The following PPM1E variants were observed in gnomAD, a reference collection of about 807,000 sequenced individuals.
PPM1E encodes the protein protein phosphatase 1E.
PPM1E carries 20 observed loss-of-function variants against 65.9 expected under a neutral mutation model. The observed-to-expected ratio is 0.30, with a 90% CI of 0.21 to 0.44. The LOEUF is 0.44. Among genes scored for constraint, PPM1E ranks in the 20% least tolerant of loss-of-function variants. PPM1E has a pLI of 1.00. For missense variants in PPM1E, 713 were observed against 953.1 expected (o/e 0.75, Z 3.32); for synonymous variants, 352 against 374.9 (o/e 0.94, Z 0.70).
intron 1 of PPM1E, among the ~76,000 whole-genome samples, chr17:58,788,332 C>G (rs1241658164): frequency 1.3e-5 from 2 of 152,130 alleles, no homozygotes; most frequent in Non-Finnish European, 2.9e-5. Context: ...TCTGTATAAA[C>G]TCTTTCTTTC....
At chr17:58,838,166 G>A (rs2050681937) in intron 1 of PPM1E, among the ~76,000 whole-genome samples, 1 of 152,154 alleles carries the variant, frequency 6.6e-6, no homozygotes, top group Non-Finnish European at 1.5e-5. Flanking sequence ...AACTCAAATA[G>A]CATGGAGGAA....
At chr17:58,978,693 AAAAAAT>A (rs986241939) in intron 6 of PPM1E, among the ~76,000 whole-genome samples, 7 of 152,350 alleles carry the variant, frequency 4.6e-5, no homozygotes, top group East Asian at 3.9e-4. Flanking sequence ...CCTGGGCGAC[AAAAAAT>A]AAAAATAAAA....
chr17:58,963,564 C>T (rs920479493), intron 2 of PPM1E, among the ~76,000 whole-genome samples: 1 of 151,690 alleles, frequency 6.6e-6, no homozygotes, highest in Admixed American at 6.6e-5. Context: ...AAAAAATTAG[C>T]TGGGCGTGGT....
At chr17:58,844,960 T>C (rs1598606585) in intron 1 of PPM1E, among the ~76,000 whole-genome samples, 1 of 152,314 alleles carries the variant, frequency 6.6e-6, no homozygotes, top group East Asian at 1.9e-4. Context: ...TCAAGCATTA[T>C]TGAGTGTTGT....
chr17:58,790,041 A>G (rs1239505911), intron 1 of PPM1E, among the ~76,000 whole-genome samples: 1 of 152,128 alleles, frequency 6.6e-6, no homozygotes, highest in Non-Finnish European at 1.5e-5. Context: ...TATTTATTGC[A>G]TTTATTGAGG....
At chr17:58,795,952 T>A (rs532592395) in intron 1 of PPM1E, among the ~76,000 whole-genome samples, 1 of 152,334 alleles carries the variant, frequency 6.6e-6, no homozygotes, top group African/African-American at 2.4e-5. Context: ...ATGCATAGTT[T>A]GCAAATATTT....
chr17:58,890,200 T>G (rs1045878939), intron 1 of PPM1E, among the ~76,000 whole-genome samples: 5 of 152,176 alleles, frequency 3.3e-5, no homozygotes, highest in Admixed American at 2.6e-4. Context: ...CCGTATTAAA[T>G]ATATATTGTT....
At chr17:58,812,196 AG>A (rs1225021659) in intron 1 of PPM1E, among the ~76,000 whole-genome samples, 1 of 149,486 alleles carries the variant, frequency 6.7e-6, no homozygotes, top group Non-Finnish European at 1.5e-5. Flanking sequence ...CCCAGCTACC[AG>A]GGAGGCTGAG....
chr17:58,896,841 C>T (rs1379966477), intron 1 of PPM1E, among the ~76,000 whole-genome samples: 8 of 152,200 alleles, frequency 5.3e-5, no homozygotes, highest in Admixed American at 5.2e-4. Flanking sequence ...ACTTTCATAA[C>T]TACAGAGGAT....
In PPM1E at chr17:58,980,398, T is replaced by G; in HGVS notation, c.1635T>G (p.Arg545=). The G allele has an allele frequency of 6.2e-7, 1 of 1,614,116 alleles. No homozygotes were observed. Among genetic ancestry groups the G allele is most frequent in the East Asian group, 2.2e-5 (1 of 44,878 alleles). ...CAGCCGACCTAGGCTATGATGGGCG[T>G]GTGGATTCATTCACTGATAGAACTA... ...SAPADLGYDG[R]VDSFTDRTSL... Residue 545 remains arginine, a synonymous_variant, in exon 7 of 7, where the codon CGT becomes CGG. Transcript: ENST00000308249. This position sits in a 1 kb window ranked among gnomAD's most constrained non-coding sequence, Gnocchi z 4.7.
chr17:58,947,110 GTTTTTTTTTTT>G (rs56666470), intron 1 of PPM1E, among the ~76,000 whole-genome samples: 2 of 44,072 alleles, frequency 4.5e-5, no homozygotes, highest in East Asian at 8.0e-4. Context: ...CCTTTTTCCT[GTTTTTTTTTTT>G]TTTTTTTTTT....
chr17:58,823,538 G>T (rs1391411304), intron 1 of PPM1E, among the ~76,000 whole-genome samples: 1 of 152,078 alleles, frequency 6.6e-6, no homozygotes, highest in Non-Finnish European at 1.5e-5. Context: ...AACATTGCTG[G>T]CTGCTATCTG....
intron 1 of PPM1E, among the ~76,000 whole-genome samples, chr17:58,827,298 C>T (rs1398592771): frequency 6.6e-6 from 1 of 151,842 alleles, no homozygotes; most frequent in African/African-American, 2.4e-5. Context: ...CCACCATGCC[C>T]AGCTAATTTT....
At chr17:58,802,618 A>G (rs1007186660) in intron 1 of PPM1E, among the ~76,000 whole-genome samples, 1 of 152,154 alleles carries the variant, frequency 6.6e-6, no homozygotes, top group Non-Finnish European at 1.5e-5. Context: ...GAATCTGTAG[A>G]TTACATTGGA....
chr17:58,801,440 C>CTTT (rs35970989), intron 1 of PPM1E, among the ~76,000 whole-genome samples: 3 of 101,144 alleles, frequency 3.0e-5, no homozygotes, highest in Admixed American at 2.1e-4. Context: ...CCCCTTCAGT[C>CTTT]TTTTTTTTTT....
chr17:58,898,755 A>G (rs1232238820), intron 1 of PPM1E, among the ~76,000 whole-genome samples: 1 of 152,212 alleles, frequency 6.6e-6, no homozygotes, highest in East Asian at 1.9e-4. Flanking sequence ...ACTTGGAACC[A>G]ACCCAAATGT....
At chr17:58,811,817 T>A (rs571580732) in intron 1 of PPM1E, among the ~76,000 whole-genome samples, 83 of 152,056 alleles carry the variant, frequency 5.5e-4, no homozygotes, top group African/African-American at 1.9e-3. Flanking sequence ...ACTATAGGCG[T>A]GTGCCACCAT....
At chr17:58,837,326 C>CACAT (rs2050671550) in intron 1 of PPM1E, among the ~76,000 whole-genome samples, 3 of 131,858 alleles carry the variant, frequency 2.3e-5, no homozygotes, top group African/African-American at 8.4e-5. Flanking sequence ...GAATAACACA[C>CACAT]ACACATACAC....
chr17:58,836,484 G>A (rs1285593796), intron 1 of PPM1E, among the ~76,000 whole-genome samples: 1 of 148,706 alleles, frequency 6.7e-6, no homozygotes, highest in African/African-American at 2.5e-5. Flanking sequence ...TTTTTCTTGA[G>A]ACGGAGTCTT....
Sources: allele counts gnomAD v4.1 joint callset (sites outside exome capture counted in the v4.1 genomes callset), GRCh38; gene constraint gnomAD v4.1.1; non-coding constraint Gnocchi (gnomAD v3.1); transcripts MANE v1.5; gene names NCBI Gene and HGNC (gene_info 2026-07-23, HGNC 2026-07-21).